Variants in CPVL observed in about 807,000 individuals in gnomAD.
CPVL encodes the protein probable serine carboxypeptidase CPVL.
CPVL carries 51 observed loss-of-function variants against 63.7 expected under a neutral mutation model. The observed-to-expected ratio is 0.80, with a 90% CI of 0.64 to 1.01. The LOEUF (loss-of-function observed/expected upper bound fraction) is 1.01. Among genes scored for constraint, CPVL ranks in the 50% least tolerant of loss-of-function variants. The pLI is 0.00. For synonymous variants in CPVL, 195 were observed against 206.0 expected (o/e 0.95, Z 0.46); for missense variants, 530 against 573.1 (o/e 0.92, Z 0.77).
At chr7:29,194,750 T>G (rs993380333) in intron 1 of CPVL, 4 of 452,624 alleles carry the variant, frequency 8.8e-6, no homozygotes, top group African/African-American at 8.3e-5. Context: ...CACAAATAAA[T>G]AGCGGCGGCG....
intron 2 of CPVL, among the ~76,000 whole-genome samples, chr7:29,117,916 A>G (rs73089018): frequency 0.045 from 6,821 of 152,318 alleles, 208 homozygotes; most frequent in Admixed American, 0.08. Flanking sequence ...TATTTTTACA[A>G]CTACGACAGC....
Position 29,112,244 on chromosome 7 carries a change from G to A in CPVL, c.288+460C>T, listed in dbSNP as rs546667475. On this transcript the variant is annotated intron_variant, in intron 3 of 12. Coordinates refer to ENST00000265394, the MANE Select transcript of CPVL (RefSeq NM_031311.5). The stretch of plus-strand genomic sequence containing the variant: ...CTCAATAAGTGGGTACTGAGTGCAT[G>A]AAGGAGTCCACAGACAGCGCAGCTA... Among the ~76,000 whole-genome samples the A allele has an allele frequency of 1.6e-4, 25 of 152,262 alleles. No homozygotes were observed. In the South Asian group the frequency reaches 5.0e-3, roughly 30 times the overall value.
At chr7:29,061,905 T>C (rs979730108) in intron 11 of CPVL, among the ~76,000 whole-genome samples, 6 of 150,716 alleles carry the variant, frequency 4.0e-5, no homozygotes, top group South Asian at 2.1e-4. Context: ...AGTCGCACCA[T>C]TGCACTACAG....
chr7:28,995,498 A>C lies in CPVL; in HGVS notation c.*274T>G. The C allele has an allele frequency of 3.2e-6, 1 of 309,506 alleles. No individual in the cohort carries two copies. The highest frequency in any genetic ancestry group is 5.8e-6 in the Non-Finnish European group (1 of 171,992). 19.2% of individuals were successfully genotyped at this position (309,506 alleles called of 1,614,324 possible). A position where few individuals can be genotyped will look rare whatever the true frequency, so the allele number is the denominator to read the frequency against. On this transcript the variant is annotated 3_prime_UTR_variant, in exon 13 of 13. Transcript: ENST00000265394. ...AAAACTTCCTATTCAAGACCCTAAA[A>C]TTTCATTTATACATCTTGTCTCAGT...
intron 11 of CPVL, among the ~76,000 whole-genome samples, chr7:29,051,909 TATATATTCCAC>T (rs1485801198): frequency 1.4e-5 from 2 of 145,810 alleles, no homozygotes; most frequent in African/African-American, 4.9e-5. Context: ...TAAATATATA[TATATATTCCAC>T]ATATATATAT....
Position 29,118,481 on chromosome 7 carries a change from A to C in CPVL, c.169+2412T>G, listed in dbSNP as rs1789011828. Among the ~76,000 whole-genome samples, 4 of 152,206 alleles carry C rather than the reference A, an allele frequency of 2.6e-5. No individual in the cohort carries two copies. In the South Asian group the frequency reaches 6.2e-4, roughly 24 times the overall value. ...ATGGTGGGGCAGCCATCTTCCCAAG[A>C]CTTCTCTTGTGAGGTAAAAATCAGT... On this transcript the variant is annotated intron_variant, in intron 2 of 12. Transcript: ENST00000265394.
At chr7:29,134,602 T>C (rs1249700080) in intron 1 of CPVL, among the ~76,000 whole-genome samples, 1 of 152,070 alleles carries the variant, frequency 6.6e-6, no homozygotes, top group East Asian at 1.9e-4. Flanking sequence ...TACAAGAACA[T>C]GCTTCTGAAA....
At chr7:29,027,965 T>TA (rs1430484143) in intron 12 of CPVL, among the ~76,000 whole-genome samples, 3 of 151,482 alleles carry the variant, frequency 2.0e-5, no homozygotes, top group Non-Finnish European at 4.4e-5. Flanking sequence ...GTCACAGAAA[T>TA]AAAAAGACCC....
intron 12 of CPVL, chr7:28,996,129 A>G: frequency 2.6e-6 from 1 of 387,814 alleles, no homozygotes. Context: ...TCATGAGTGT[A>G]AAAATTGAAA....
rs190211137 is a variant in CPVL, at chr7:29,160,679, T to G, written c.-11+20611A>C. ...GTGGTGTGTTGTGAAAACGTGATGATGCCTGGTGCTGTGGTAGCCATCTTG... is the reference window on the plus strand; with the variant it reads ...GTGGTGTGTTGTGAAAACGTGATGAGGCCTGGTGCTGTGGTAGCCATCTTG... On this transcript the variant is annotated intron_variant, in intron 5 of 16. Transcript: ENST00000409850. Among the ~76,000 whole-genome samples, 21 of 152,300 alleles carry G rather than the reference T, an allele frequency of 1.4e-4. No individual in the cohort carries two copies. The East Asian group carries it at 4.1e-3, about 29-fold the overall frequency.
rs1782913333 is a variant in CPVL, at chr7:29,064,135, C to G, written c.1063G>C (p.Val355Leu). ...GNQTFNDGTI[V>L]EKYLREDTVQ... ...GTATCTTCTCGCAAGTACTTTTCAACTATAGTTCCATCATTAAAAGTCTGA... is the reference window on the plus strand; with the variant it reads ...GTATCTTCTCGCAAGTACTTTTCAAGTATAGTTCCATCATTAAAAGTCTGA... Residue 355 changes from valine to leucine, a missense_variant, in exon 11 of 13, where the codon GTT (valine) becomes CTT (leucine). By Grantham distance (32) the Val-to-Leu change is conservative (BLOSUM62 1). Transcript: ENST00000265394. 22 of 1,613,178 alleles carry G rather than the reference C, an allele frequency of 1.4e-5. No individual in the cohort carries two copies. Among genetic ancestry groups the G allele is most frequent in the Non-Finnish European group, 1.9e-5 (22 of 1,179,200 alleles).
rs7786723 is a variant in CPVL at position 29,058,112 on chromosome 7, A to G, written c.1137+5949T>C. Among the ~76,000 whole-genome samples, 1,414 of 152,288 alleles carry G rather than the reference A, an allele frequency of 9.3e-3. 23 individuals carry two copies. The highest frequency in any genetic ancestry group is 0.031 in the African/African-American group (1,270 of 41,564). ...ATTGAATCTATGGATCAAGTTGGGA[A>G]GAACTGACATCTTGACAATATTGAG... is the stretch of plus-strand genomic sequence containing the variant. On this transcript the variant is annotated intron_variant, in intron 11 of 12. Coordinates refer to ENST00000265394, the MANE Select transcript of CPVL (RefSeq NM_031311.5).
In CPVL at chr7:29,189,275, C is replaced by G. The variant is rs145006575; in HGVS notation, c.-447-2728G>C. Among the ~76,000 whole-genome samples the G allele has an allele frequency of 1.8e-3, 278 of 152,120 alleles. 1 individual carries two copies. The highest frequency in any genetic ancestry group is 6.4e-3 in the African/African-American group (267 of 41,512). ...CCAGTTTCCCTCATATCTTTATTCCCCAGGCCTCGTATACTCCCTGGCACA... is the reference window on the plus strand; with the variant it reads ...CCAGTTTCCCTCATATCTTTATTCCGCAGGCCTCGTATACTCCCTGGCACA... On this transcript the variant is annotated intron_variant, in intron 1 of 16. Coordinates refer to the CPVL transcript ENST00000409850.
At chr7:29,097,111 C>T (rs1346390620) in intron 3 of CPVL, among the ~76,000 whole-genome samples, 1 of 151,280 alleles carries the variant, frequency 6.6e-6, no homozygotes, top group Non-Finnish European at 1.5e-5. Context: ...ATAACAACGA[C>T]AAAACCCTGA....
chr7:29,176,770 A>G (rs1797403178), intron 5 of CPVL, among the ~76,000 whole-genome samples: 1 of 152,226 alleles, frequency 6.6e-6, no homozygotes, highest in South Asian at 2.1e-4. Context: ...TGTTTAAAAA[A>G]CGAGATTGAG....
At chr7:29,059,363 A>G (rs1224257991) in intron 11 of CPVL, among the ~76,000 whole-genome samples, 3 of 152,176 alleles carry the variant, frequency 2.0e-5, no homozygotes, top group African/African-American at 4.8e-5. Flanking sequence ...GGCAAGTATT[A>G]TCTTGATTCC....
intron 11 of CPVL, among the ~76,000 whole-genome samples, chr7:29,035,077 T>C (rs1440924782): frequency 1.4e-5 from 2 of 142,632 alleles, no homozygotes; most frequent in East Asian, 3.9e-4. Flanking sequence ...ATTTGGTGAC[T>C]TGGACCACAA....
chr7:29,040,989 C>T (rs1227619427), intron 11 of CPVL, among the ~76,000 whole-genome samples: 1 of 152,108 alleles, frequency 6.6e-6, no homozygotes, highest in Non-Finnish European at 1.5e-5. Context: ...TTCTTGTCCT[C>T]TTGCTTGAAT....
intron 6 of CPVL, among the ~76,000 whole-genome samples, chr7:29,091,582 C>T (rs559114285): frequency 1.1e-4 from 17 of 152,294 alleles, no homozygotes; most frequent in African/African-American, 3.8e-4. Flanking sequence ...AAATATGTCC[C>T]TAGGACCCCA....
Sources: gnomAD v4.1 joint callset for allele counts (sites outside exome capture counted in the v4.1 genomes callset) on GRCh38, gnomAD v4.1.1 for gene constraint, MANE v1.5 for transcripts, NCBI Gene and HGNC (gene_info 2026-07-23, HGNC 2026-07-21) for gene names.